The following NRCAM variants were observed in gnomAD, a reference collection of about 807,000 sequenced individuals.
The protein encoded by NRCAM is NgCAM-related cell adhesion molecule.
Under a neutral mutation model 156.5 loss-of-function variants are expected in NRCAM, and 83 were observed. That is an observed-to-expected ratio of 0.53 (90% CI 0.44 to 0.64). The LOEUF is 0.64. NRCAM is among the 30% of genes least tolerant of loss of function. The pLI, the probability that NRCAM is intolerant of heterozygous loss-of-function variation, is 0.00. For synonymous variants in NRCAM, 538 were observed against 563.9 expected, an observed-to-expected ratio of 0.95 and a Z score of 0.65; for missense variants, 1,417 against 1,597.3, an observed-to-expected ratio of 0.89 and a Z score of 1.92.
chr7:108,255,367 C>T (rs1054725615), intron 3 of NRCAM, among the ~76,000 whole-genome samples: 18 of 152,204 alleles, frequency 1.2e-4, no homozygotes, highest in African/African-American at 3.1e-4. Flanking sequence ...GGGGTTTCGC[C>T]GTGTTGGCTG....
intron 2 of NRCAM, among the ~76,000 whole-genome samples, chr7:108,330,178 G>C (rs2099112369): frequency 6.6e-6 from 1 of 152,072 alleles, no homozygotes; most frequent in Non-Finnish European, 1.5e-5. Flanking sequence ...ATTTCCATTG[G>C]AAAGAAGAAT....
At chr7:108,421,054 T>C (rs979657338) in intron 1 of NRCAM, among the ~76,000 whole-genome samples, 5 of 152,042 alleles carry the variant, frequency 3.3e-5, no homozygotes, top group African/African-American at 1.2e-4. Flanking sequence ...TACCCCAAAA[T>C]AGCATACACA....
chr7:108,437,660 AT>A (rs1833850208), intron 1 of NRCAM, among the ~76,000 whole-genome samples: 1 of 152,208 alleles, frequency 6.6e-6, no homozygotes, highest in African/African-American at 2.4e-5. Flanking sequence ...AAAGAAAAAA[AT>A]CTGTCAATCA....
At chr7:108,337,485 CT>C (rs1454689138) in intron 2 of NRCAM, among the ~76,000 whole-genome samples, 1 of 152,190 alleles carries the variant, frequency 6.6e-6, no homozygotes, top group Non-Finnish European at 1.5e-5. Flanking sequence ...GTCTGCTGTG[CT>C]CCTGATCCAG....
intron 1 of NRCAM, among the ~76,000 whole-genome samples, chr7:108,444,371 C>T (rs1598329270): frequency 6.6e-6 from 1 of 150,580 alleles, no homozygotes; most frequent in Admixed American, 6.6e-5. Flanking sequence ...GCTGTATTCT[C>T]TTTTTTTTTG....
At chr7:108,261,344 C>T (rs1467337455) in intron 3 of NRCAM, among the ~76,000 whole-genome samples, 1 of 152,204 alleles carries the variant, frequency 6.6e-6, no homozygotes, top group Admixed American at 6.5e-5. Flanking sequence ...ATATCACCAC[C>T]GCCTAAGTTA....
chr7:108,344,709 T>C (rs2099332262), intron 2 of NRCAM, among the ~76,000 whole-genome samples: 1 of 152,220 alleles, frequency 6.6e-6, no homozygotes, highest in South Asian at 2.1e-4. Context: ...GACTATTACA[T>C]GAAATGTACC....
chr7:108,409,395 C>A (rs535072345), intron 1 of NRCAM, among the ~76,000 whole-genome samples: 1 of 152,338 alleles, frequency 6.6e-6, no homozygotes, highest in Admixed American at 6.5e-5. Context: ...GTGACAGCCA[C>A]ACTTATACTA....
intron 3 of NRCAM, among the ~76,000 whole-genome samples, chr7:108,280,367 T>C (rs1277831182): frequency 2.0e-5 from 3 of 152,198 alleles, no homozygotes; most frequent in Non-Finnish European, 2.9e-5. Context: ...CAATGCAGTT[T>C]TGATAAGTAA....
At chr7:108,268,042 T>C (rs2097174108) in intron 3 of NRCAM, among the ~76,000 whole-genome samples, 1 of 152,246 alleles carries the variant, frequency 6.6e-6, no homozygotes, top group South Asian at 2.1e-4. Context: ...AGCAAATAAG[T>C]AAAATTCATT....
intron 3 of NRCAM, among the ~76,000 whole-genome samples, chr7:108,284,862 T>A (rs550547915): frequency 6.6e-6 from 1 of 152,356 alleles, no homozygotes; most frequent in Admixed American, 6.5e-5. Flanking sequence ...ACACTTCTTG[T>A]TCTGCTTTGT....
intron 19 of NRCAM, among the ~76,000 whole-genome samples, chr7:108,190,609 G>T (rs547426659): frequency 6.6e-6 from 1 of 152,074 alleles, no homozygotes; most frequent in Non-Finnish European, 1.5e-5. Flanking sequence ...TTGTATTGAC[G>T]TACTGAATAA....
intron 32 of NRCAM, chr7:108,159,137 G>C (rs571719727): frequency 1.9e-4 from 81 of 426,764 alleles, no homozygotes; most frequent in Non-Finnish European, 1.7e-4. Flanking sequence ...GCAGGCATTG[G>C]AGGTTCTTTT....
intron 2 of NRCAM, among the ~76,000 whole-genome samples, chr7:108,392,324 A>T (rs985726272): frequency 6.6e-6 from 1 of 151,974 alleles, no homozygotes; most frequent in Non-Finnish European, 1.5e-5. Context: ...CATTCATTTG[A>T]TCTTCAATCA....
chr7:108,297,848 C>T (rs1178198779), intron 3 of NRCAM, among the ~76,000 whole-genome samples: 1 of 152,120 alleles, frequency 6.6e-6, no homozygotes, highest in Non-Finnish European at 1.5e-5. Context: ...GCCACAGGTT[C>T]AGGAAATAAC....
At chr7:108,407,214 C>T (rs924344530) in intron 1 of NRCAM, among the ~76,000 whole-genome samples, 9 of 152,158 alleles carry the variant, frequency 5.9e-5, no homozygotes, top group Non-Finnish European at 1.2e-4. Context: ...TAACCATACA[C>T]CATGAACATT....
chr7:108,288,197 G>C (rs913871807), intron 3 of NRCAM, among the ~76,000 whole-genome samples: 1 of 152,064 alleles, frequency 6.6e-6, no homozygotes, highest in African/African-American at 2.4e-5. Flanking sequence ...GGATACGCAG[G>C]AATATGCAAA....
intron 13 of NRCAM, among the ~76,000 whole-genome samples, chr7:108,199,583 T>C (rs2076883767): frequency 6.6e-6 from 1 of 152,192 alleles, no homozygotes; most frequent in Admixed American, 6.5e-5. Flanking sequence ...CCTTGGCCCA[T>C]GGTCCTCTTC....
chr7:108,402,412 A>G (rs1307988607), intron 1 of NRCAM, among the ~76,000 whole-genome samples: 2 of 152,252 alleles, frequency 1.3e-5, no homozygotes. Context: ...GCATATCCTA[A>G]TTATACTGTG....
Sources: gnomAD v4.1 joint callset for allele counts (sites outside exome capture counted in the v4.1 genomes callset) on GRCh38, gnomAD v4.1.1 for gene constraint, MANE v1.5 for transcripts, NCBI Gene and HGNC (gene_info 2026-07-23, HGNC 2026-07-21) for gene names.